The following FNDC1 variants were observed in gnomAD, a reference collection of about 807,000 sequenced individuals.
FNDC1 encodes fibronectin type III domain-containing protein 1.
In FNDC1, 96 loss-of-function variants were observed where a neutral mutation model predicts 168.0. The observed-to-expected ratio is 0.57, with a 90% CI of 0.48 to 0.68. The LOEUF is 0.68. FNDC1 is among the 30% of genes least tolerant of loss of function. FNDC1 has a pLI of 0.00. For missense variants in FNDC1, 2,587 were observed against 2,482.1 expected (o/e 1.04, Z -0.90); for synonymous variants, 1,099 against 1,025.9 (o/e 1.07, Z -1.36).
chr6:159,252,487 T>G (rs1777291919), intron 17 of FNDC1, among the ~76,000 whole-genome samples: 1 of 152,166 alleles, frequency 6.6e-6, no homozygotes, highest in Non-Finnish European at 1.5e-5. Flanking sequence ...AAAGCTAGAA[T>G]AAGGGACACA....
In FNDC1 at chr6:159,271,670, T is replaced by C; in HGVS notation, c.*228T>C. On this transcript the variant is annotated 3_prime_UTR_variant, in exon 23 of 23. Coordinates refer to ENST00000297267, the MANE Select transcript of FNDC1 (RefSeq NM_032532.3). ...TTTGCTGTTAACTTTGCTTCTCTAC[T>C]TTTTTTTGTTTGTTTGTAATAGCAC... 1 of 404,970 alleles carries C rather than the reference T, an allele frequency of 2.5e-6. No individual in the cohort carries two copies. Among genetic ancestry groups the C allele is most frequent in the Non-Finnish European group, 4.6e-6 (1 of 218,888 alleles). The allele number at this position is 404,970 out of a possible 1,614,324, so 25.1% of individuals were successfully genotyped here. A position where few individuals can be genotyped will look rare whatever the true frequency, so the allele number is the denominator to read the frequency against.
chr6:159,172,703 G>T (rs774435256), intron 1 of FNDC1, among the ~76,000 whole-genome samples: 1 of 152,194 alleles, frequency 6.6e-6, no homozygotes, highest in South Asian at 2.1e-4. Context: ...GATTTTTAAT[G>T]TAACAAAATA....
intron 1 of FNDC1, among the ~76,000 whole-genome samples, chr6:159,173,132 C>T (rs1183507477): frequency 6.6e-6 from 1 of 152,188 alleles, no homozygotes; most frequent in Non-Finnish European, 1.5e-5. Context: ...TCCTTGGCAT[C>T]CTCGTAAATT....
intron 17 of FNDC1, among the ~76,000 whole-genome samples, chr6:159,256,168 T>G (rs1222207594): frequency 6.6e-6 from 1 of 152,232 alleles, no homozygotes; most frequent in Non-Finnish European, 1.5e-5. Context: ...CCGGAAGTTC[T>G]TAAATACATG....
At chr6:159,266,547 C>G (rs2115032724) in intron 21 of FNDC1, among the ~76,000 whole-genome samples, 1 of 152,158 alleles carries the variant, frequency 6.6e-6, no homozygotes, top group East Asian at 1.9e-4. Context: ...GAATTCAAGA[C>G]CAGCTTGGCC....
In FNDC1 at chr6:159,169,571, C is replaced by T; in HGVS notation, c.-26C>T. The T allele has an allele frequency of 2.1e-6, 2 of 949,230 alleles. No individual in the cohort carries two copies. Among genetic ancestry groups the T allele is most frequent in the Non-Finnish European group, 2.6e-6 (2 of 770,606 alleles). The allele number at this position is 949,230 out of a possible 1,614,324, so 58.8% of individuals were successfully genotyped here. On this transcript the variant is annotated 5_prime_UTR_variant, in exon 1 of 23. Coordinates refer to ENST00000297267, the MANE Select transcript of FNDC1 (RefSeq NM_032532.3). The surrounding 1 kb of genome is among the most constrained non-coding windows in gnomAD (Gnocchi z 6.8). Reference sequence around the variant, plus strand: ...CGCCCCCCTGCCAGCCGCAAGCACCCAGCCCCGGCCCACCCCGGGCTCTCG... The same window carrying T: ...CGCCCCCCTGCCAGCCGCAAGCACCTAGCCCCGGCCCACCCCGGGCTCTCG...
chr6:159,215,291 C>CA, intron 5 of FNDC1, 140 bp downstream of exon 5: 1 of 817,980 alleles, frequency 1.2e-6, no homozygotes, highest in South Asian at 1.8e-5. Flanking sequence ...TGAATCTCTA[C>CA]TGTTTCTTCC....
intron 22 of FNDC1, among the ~76,000 whole-genome samples, chr6:159,270,600 AG>A (rs1348735779): frequency 6.6e-6 from 1 of 152,220 alleles, no homozygotes. Flanking sequence ...AAAAGTAAAC[AG>A]GGCCAAGAGT....
At chr6:159,202,417 G>A (rs1194839458) in intron 4 of FNDC1, among the ~76,000 whole-genome samples, 1 of 152,200 alleles carries the variant, frequency 6.6e-6, no homozygotes, top group Non-Finnish European at 1.5e-5. Flanking sequence ...CCGAGAAATT[G>A]TTAAATATAT....
chr6:159,223,873 C>A (rs1198760068), intron 7 of FNDC1, among the ~76,000 whole-genome samples: 1 of 152,232 alleles, frequency 6.6e-6, no homozygotes, highest in Non-Finnish European at 1.5e-5. Context: ...GTGCACACAG[C>A]AGGAATTCAC....
chr6:159,236,098 C>A (rs750484470), intron 11 of FNDC1, 117 bp from the exon 12 acceptor site: 6 of 633,704 alleles, frequency 9.5e-6, no homozygotes, highest in Admixed American at 6.1e-5. Context: ...GTTTAAAATT[C>A]TGTTTAGAGC....
In FNDC1 at chr6:159,246,928, C is replaced by T. The variant is rs1170852361; in HGVS notation, c.4649C>T (p.Thr1550Ile). Residue 1550 changes from threonine to isoleucine, a missense_variant, in exon 15 of 23, where the codon ACT becomes ATT. Coordinates refer to ENST00000297267, the MANE Select transcript of FNDC1 (RefSeq NM_032532.3). ...EDEFSGLETD[T>I]AVPTEEAYVI... ...GAGTTCTCAGGCTTGGAGACTGACA[C>T]TGCAGTACCTACGGAAGAGGCCTAC... 5 of 1,613,078 alleles carry T rather than the reference C, an allele frequency of 3.1e-6. No homozygotes were observed. The highest frequency in any genetic ancestry group is 1.6e-4 in the Middle Eastern group (1 of 6,082).
intron 1 of FNDC1, among the ~76,000 whole-genome samples, chr6:159,189,223 A>AGG (rs1185477163): frequency 1.1e-4 from 16 of 152,182 alleles, no homozygotes; most frequent in Non-Finnish European, 1.9e-4. Context: ...GCCTAGAACT[A>AGG]GGGCTGTAAG....
At chr6:159,221,098 G>A (rs1174997431) in intron 5 of FNDC1, among the ~76,000 whole-genome samples, 3 of 152,162 alleles carry the variant, frequency 2.0e-5, no homozygotes, top group Admixed American at 6.5e-5. Flanking sequence ...GTTTTGAAGG[G>A]CACAGCATTC....
Position 159,271,564 on chromosome 6 carries a change from T to C in FNDC1, c.*122T>C, listed in dbSNP as rs419009. ...GCTGCCCTAGGTGCCAGGAAGGTCA[T>C]AGATGGACACTGGCCATTCTGGTCA... On this transcript the variant is annotated 3_prime_UTR_variant, in exon 23 of 23. Transcript: ENST00000297267. The C allele has an allele frequency of 0.88, 629,135 of 711,800 alleles. 278,510 individuals are homozygous for C. Among genetic ancestry groups the C allele is most frequent in the East Asian group, 1 (35,638 of 35,804 alleles). The allele number at this position is 711,800 out of a possible 1,614,324, so 44.1% of individuals were successfully genotyped here. A position where few individuals can be genotyped will look rare whatever the true frequency, so the allele number is the denominator to read the frequency against.
intron 22 of FNDC1, among the ~76,000 whole-genome samples, chr6:159,268,653 T>G (rs1777640449): frequency 6.6e-6 from 1 of 152,092 alleles, no homozygotes; most frequent in African/African-American, 2.4e-5. Context: ...TATGTATGTA[T>G]GTATGTATCC....
At position 159,250,251 on chromosome 6, in the gene FNDC1, C is replaced by A. The variant is rs1044676842; in HGVS notation, c.4835-1051C>A. Among the ~76,000 whole-genome samples the A allele has an allele frequency of 3.3e-5, 5 of 152,188 alleles. No individual in the cohort carries two copies. The East Asian group carries it at 9.6e-4, about 29-fold the overall frequency. Reference sequence around the variant, plus strand: ...CAAGTTCTAAAGGCCTAGCTTCAGACTAATTTTTGGAAAACACTGCCTTAG... The same window carrying A: ...CAAGTTCTAAAGGCCTAGCTTCAGAATAATTTTTGGAAAACACTGCCTTAG... On this transcript the variant is annotated intron_variant, in intron 16 of 22. Coordinates refer to ENST00000297267, the MANE Select transcript of FNDC1 (RefSeq NM_032532.3).
intron 1 of FNDC1, among the ~76,000 whole-genome samples, chr6:159,176,105 G>T (rs1262777624): frequency 6.6e-6 from 1 of 152,158 alleles, no homozygotes; most frequent in Non-Finnish European, 1.5e-5. Flanking sequence ...CCTTCATCTG[G>T]TTTATTAGGT....
At chr6:159,180,335 T>C (rs916795902) in intron 1 of FNDC1, among the ~76,000 whole-genome samples, 6 of 152,236 alleles carry the variant, frequency 3.9e-5, no homozygotes, top group Non-Finnish European at 8.8e-5. Flanking sequence ...TAAGACTGTA[T>C]TTCCAAAATT....
Sources: gnomAD v4.1 joint callset for allele counts (sites outside exome capture counted in the v4.1 genomes callset) on GRCh38, gnomAD v4.1.1 for gene constraint, Gnocchi (gnomAD v3.1) non-coding constraint, MANE v1.5 for transcripts, NCBI Gene and HGNC (gene_info 2026-07-23, HGNC 2026-07-21) for gene names.